SHC3: variants seen among roughly 807,000 people sequenced by gnomAD.
The protein encoded by SHC3 is SHC-transforming protein 3.
In SHC3, 15 loss-of-function variants were observed where a neutral mutation model predicts 60.4. The ratio of observed to expected loss-of-function variants is 0.25; its 90% CI spans 0.17 to 0.38. The LOEUF is 0.38. Among genes scored for constraint, SHC3 ranks in the 10% least tolerant of loss-of-function variants. The pLI is 1.00. For missense variants in SHC3, 677 were observed against 786.1 expected (o/e 0.86, Z 1.66); for synonymous variants, 294 against 325.9 (o/e 0.90, Z 1.05).
intron 1 of SHC3, among the ~76,000 whole-genome samples, chr9:89,131,757 C>G (rs1482524957): frequency 6.6e-6 from 1 of 152,042 alleles, no homozygotes; most frequent in African/African-American, 2.4e-5. Context: ...TGGGACATAC[C>G]TCAAAATAAT....
At chr9:89,028,609 G>T (rs1824412664) in intron 11 of SHC3, among the ~76,000 whole-genome samples, 1 of 131,724 alleles carries the variant, frequency 7.6e-6, no homozygotes, top group African/African-American at 3.4e-5. Context: ...GTATATATAT[G>T]CTATAGATAT....
intron 11 of SHC3, among the ~76,000 whole-genome samples, chr9:89,023,464 C>A (rs932328740): frequency 2.0e-5 from 3 of 152,136 alleles, no homozygotes; most frequent in Non-Finnish European, 2.9e-5. Flanking sequence ...AAGAAATATG[C>A]AGCATATTCT....
intron 2 of SHC3, among the ~76,000 whole-genome samples, chr9:89,106,403 C>T (rs1228223809): frequency 6.6e-6 from 1 of 152,200 alleles, no homozygotes; most frequent in Admixed American, 6.5e-5. Context: ...ACACTCTGAG[C>T]CACATGGACA....
intron 2 of SHC3, among the ~76,000 whole-genome samples, chr9:89,091,916 A>T (rs147836726): frequency 1.3e-5 from 2 of 151,918 alleles, no homozygotes; most frequent in East Asian, 3.9e-4. Flanking sequence ...TTGATAAGAA[A>T]GTAAAGAGAC....
chr9:89,172,798 A>T (rs1411486707), intron 1 of SHC3, among the ~76,000 whole-genome samples: 1 of 152,212 alleles, frequency 6.6e-6, no homozygotes, highest in Non-Finnish European at 1.5e-5. Flanking sequence ...TTATTTATGA[A>T]TTAAATAATT....
In SHC3 at chr9:89,167,846, C is replaced by T. The variant is rs138225830; in HGVS notation, c.474+10141G>A. Among the ~76,000 whole-genome samples the T allele has an allele frequency of 3.1e-3, 468 of 152,314 alleles. 4 individuals are homozygous for T. The highest frequency in any genetic ancestry group is 9.7e-3 in the African/African-American group (403 of 41,568). Reference sequence around the variant, plus strand: ...CTGGTGAAACACCTTGATACAGAAGCGTGTTTCCCCTCCTGGGTGCCTCTG... The same window carrying T: ...CTGGTGAAACACCTTGATACAGAAGTGTGTTTCCCCTCCTGGGTGCCTCTG... On this transcript the variant is annotated intron_variant, in intron 1 of 11. Transcript: ENST00000375835.
At position 89,088,216 on chromosome 9, in the gene SHC3, T is replaced by C. The variant is rs75515660; in HGVS notation, c.546-10313A>G. Among the ~76,000 whole-genome samples the C allele has an allele frequency of 3.6e-3, 544 of 152,326 alleles. 3 individuals are homozygous for C. Among genetic ancestry groups the C allele is most frequent in the African/African-American group, 0.012 (512 of 41,570 alleles). ...ATCTTAACCCCGACACTCCTTTCAT[T>C]TGATTCCAGGTCTTTAGATAATAAC... On this transcript the variant is annotated intron_variant, in intron 2 of 11. Transcript: ENST00000375835.
intron 2 of SHC3, among the ~76,000 whole-genome samples, chr9:89,088,437 C>T (rs1179095607): frequency 6.6e-6 from 1 of 152,118 alleles, no homozygotes; most frequent in African/African-American, 2.4e-5. Context: ...TTCTCAGGAC[C>T]TCTTGAAACT....
chr9:89,075,565 C>T (rs558230097), intron 3 of SHC3, among the ~76,000 whole-genome samples: 2 of 152,252 alleles, frequency 1.3e-5, no homozygotes, highest in African/African-American at 4.8e-5. Context: ...TGGGGAAAGC[C>T]CATCACATTT....
intron 1 of SHC3, among the ~76,000 whole-genome samples, chr9:89,144,657 T>C (rs911610513): frequency 1.3e-5 from 2 of 152,244 alleles, no homozygotes; most frequent in African/African-American, 4.8e-5. Flanking sequence ...TCTTAAAATA[T>C]ATTTTTAATG....
chr9:89,148,180 G>C (rs975698820), intron 1 of SHC3, among the ~76,000 whole-genome samples: 41 of 152,094 alleles, frequency 2.7e-4, no homozygotes, highest in African/African-American at 8.5e-4. Context: ...TAATGAACTT[G>C]AACATTGTCT....
chr9:89,028,251 G>T (rs74788208), intron 11 of SHC3, among the ~76,000 whole-genome samples: 2,687 of 152,108 alleles, frequency 0.018, 30 homozygotes, highest in South Asian at 0.029. Context: ...TGATACTGGG[G>T]ACAGACTAGA....
Position 89,045,805 on chromosome 9 carries a change from T to C in SHC3, c.1142A>G (p.Gln381Arg), listed in dbSNP as rs371908971. 1 of 1,614,190 alleles carries C rather than the reference T, an allele frequency of 6.2e-7. No homozygotes were observed. The highest frequency in any genetic ancestry group is 8.5e-7 in the Non-Finnish European group (1 of 1,180,030). Residue 381 changes from glutamine to arginine, a missense_variant, in exon 9 of 12, where the codon CAG (glutamine) becomes CGG (arginine). By Grantham distance (43) the Gln-to-Arg change is conservative (BLOSUM62 1). Transcript: ENST00000375835. ...QFAGKEQTYYQGRHLGDTFGE... is the reference protein window; with the variant it reads ...QFAGKEQTYYRGRHLGDTFGE... Reference sequence around the variant, plus strand: ...AAAAGTGTCTCCTAAGTGTCTTCCCTGGTAATAAGTCTGCTCTTTTCCTGC... The same window carrying C: ...AAAAGTGTCTCCTAAGTGTCTTCCCCGGTAATAAGTCTGCTCTTTTCCTGC...
chr9:89,037,457 C>T, intron 11 of SHC3: 2 of 691,084 alleles, frequency 2.9e-6, no homozygotes, highest in South Asian at 1.6e-5. Flanking sequence ...AAAAATTCAG[C>T]CAAACCTACG....
intron 1 of SHC3, among the ~76,000 whole-genome samples, chr9:89,135,507 C>T (rs936333357): frequency 6.6e-6 from 1 of 151,970 alleles, no homozygotes; most frequent in Admixed American, 6.6e-5. Context: ...TTTGATGCAC[C>T]TTATACAAAT....
At position 89,008,521 on chromosome 9, in the gene SHC3, G is replaced by A. The variant is rs757067451; in HGVS notation, c.*4926C>T. ...GAGTCAGGAACTTGGCGGGGCCAGG[G>A]GGGTGGAAGGGCCTGCAATCTTTGT... is the stretch of plus-strand genomic sequence containing the variant. On this transcript the variant is annotated 3_prime_UTR_variant, in exon 12 of 12. Transcript: ENST00000375835. The A allele has an allele frequency of 1.3e-5, 2 of 152,284 alleles. No individual in the cohort carries two copies. Among genetic ancestry groups the A allele is most frequent in the South Asian group, 4.1e-4 (2 of 4,824 alleles). 9.4% of individuals were successfully genotyped at this position (152,284 alleles called of 1,614,324 possible).
chr9:89,045,601 T>C, intron 9 of SHC3, 145 bp downstream of exon 9: 1 of 703,262 alleles, frequency 1.4e-6, no homozygotes, highest in East Asian at 2.7e-5. Flanking sequence ...TTCTATAGTC[T>C]AGTCAGGATT....
intron 1 of SHC3, among the ~76,000 whole-genome samples, chr9:89,139,419 G>A (rs1826362043): frequency 6.6e-6 from 1 of 152,170 alleles, no homozygotes; most frequent in African/African-American, 2.4e-5. Context: ...ATAAAGTGCA[G>A]TAAGAATAAT....
At chr9:89,078,031 A>G in intron 2 of SHC3, 128 bp from the exon 3 acceptor site, 1 of 1,035,334 alleles carries the variant, frequency 9.7e-7, no homozygotes. Flanking sequence ...AGAGCTGCCA[A>G]TTTGGGAGTC....
Sources: gnomAD v4.1 joint callset for allele counts (sites outside exome capture counted in the v4.1 genomes callset) on GRCh38, gnomAD v4.1.1 for gene constraint, MANE v1.5 for transcripts, NCBI Gene and HGNC (gene_info 2026-07-23, HGNC 2026-07-21) for gene names.